The following PRKG1 variants were observed in gnomAD, a reference collection of about 807,000 sequenced individuals.
PRKG1 encodes protein kinase cGMP-dependent 1.
Under a neutral mutation model 88.1 loss-of-function variants are expected in PRKG1, and 35 were observed. The ratio of observed to expected loss-of-function variants is 0.40; its 90% CI spans 0.30 to 0.53. The LOEUF (loss-of-function observed/expected upper bound fraction) is 0.53. Ranked by LOEUF, PRKG1 falls within the 20% of genes least tolerant of loss-of-function variation. The pLI is 0.59. For synonymous variants in PRKG1, 303 were observed against 292.5 expected (o/e 1.04, Z -0.37); for missense variants, 540 against 839.8 (o/e 0.64, Z 4.41).
At chr10:51,364,328 C>T (rs1356926415) in intron 2 of PRKG1, among the ~76,000 whole-genome samples, 2 of 151,942 alleles carry the variant, frequency 1.3e-5, no homozygotes, top group Non-Finnish European at 2.9e-5. Context: ...TTGATCACTA[C>T]TTGTCTTTTA....
At chr10:51,714,549 G>A (rs1351066931) in intron 3 of PRKG1, among the ~76,000 whole-genome samples, 1 of 152,206 alleles carries the variant, frequency 6.6e-6, no homozygotes, top group Admixed American at 6.5e-5. Flanking sequence ...AGAAGGAAGA[G>A]ATGTAGAAGG....
At chr10:51,628,414 C>T (rs997165859) in intron 3 of PRKG1, among the ~76,000 whole-genome samples, 15 of 151,744 alleles carry the variant, frequency 9.9e-5, no homozygotes, top group African/African-American at 2.9e-4. Context: ...CCACCCGCCT[C>T]GCCCTCCCAA....
At chr10:51,250,109 G>T (rs373946428) in intron 2 of PRKG1, among the ~76,000 whole-genome samples, 3 of 151,706 alleles carry the variant, frequency 2.0e-5, no homozygotes, top group African/African-American at 7.3e-5. Context: ...TCATTGCAGG[G>T]TTGCTGTGGT....
intron 2 of PRKG1, among the ~76,000 whole-genome samples, chr10:51,211,462 A>C (rs368124019): frequency 0.02 from 3,033 of 152,182 alleles, 44 homozygotes; most frequent in Middle Eastern, 0.051. Flanking sequence ...GAAGTTCTGG[A>C]CAGGGCAGTC....
intron 2 of PRKG1, among the ~76,000 whole-genome samples, chr10:51,168,521 A>C (rs1038456515): frequency 6.6e-6 from 1 of 152,164 alleles, no homozygotes; most frequent in African/African-American, 2.4e-5. Context: ...CCATAGAAGT[A>C]ACCCACGTAA....
chr10:52,029,922 C>G lies in PRKG1; in HGVS notation c.763-24562C>G, dbSNP rs555936993. 4.6e-5 allele frequency among the ~76,000 whole-genome samples: 7 copies of G among 152,208 alleles called. No homozygotes were observed. The South Asian group carries it at 1.5e-3, about 32-fold the overall frequency. On this transcript the variant is annotated intron_variant, in intron 5 of 17. Coordinates refer to ENST00000373980, the MANE Select transcript of PRKG1 (RefSeq NM_006258.4). ...CTTAAACCTGACCTTCCTGATATAT[C>G]ATCTCATCATCTACTGAACCCCATC... is the stretch of plus-strand genomic sequence containing the variant.
chr10:51,114,739 A>T (rs1456045054), intron 1 of PRKG1, among the ~76,000 whole-genome samples: 1 of 152,074 alleles, frequency 6.6e-6, no homozygotes, highest in Non-Finnish European at 1.5e-5. Flanking sequence ...TACTCTTTTC[A>T]GCTGGACAGT....
chr10:51,157,168 G>A (rs113125624), intron 2 of PRKG1, among the ~76,000 whole-genome samples: 5 of 151,950 alleles, frequency 3.3e-5, no homozygotes, highest in Middle Eastern at 3.4e-3. Flanking sequence ...TGTTAATTAC[G>A]ATGACTGGGG....
intron 1 of PRKG1, among the ~76,000 whole-genome samples, chr10:51,093,540 A>G (rs1469488909): frequency 2.6e-5 from 4 of 151,552 alleles, no homozygotes; most frequent in Non-Finnish European, 4.4e-5. Flanking sequence ...GCTTTGTTTT[A>G]TGGTATACTA....
chr10:51,073,824 C>T (rs1162866863), upstream of PRKG1, among the ~76,000 whole-genome samples: 2 of 152,118 alleles, frequency 1.3e-5, no homozygotes, highest in African/African-American at 4.8e-5. Context: ...CAAGTTTCTT[C>T]GCAAGCGTTA....
intron 2 of PRKG1, among the ~76,000 whole-genome samples, chr10:51,407,436 C>T (rs1837952704): frequency 6.6e-6 from 1 of 152,090 alleles, no homozygotes. Flanking sequence ...TATTATGTCA[C>T]ATAAAGGAGA....
At chr10:51,037,403 G>T (rs969231688) in intron 1 of PRKG1, among the ~76,000 whole-genome samples, 1 of 152,196 alleles carries the variant, frequency 6.6e-6, no homozygotes, top group Non-Finnish European at 1.5e-5. Flanking sequence ...GGTCGAGGCT[G>T]CAGTGAGCTG....
intron 2 of PRKG1, among the ~76,000 whole-genome samples, chr10:51,411,325 T>A (rs1838082038): frequency 6.6e-6 from 1 of 152,212 alleles, no homozygotes; most frequent in Non-Finnish European, 1.5e-5. Flanking sequence ...GAATGCTAGA[T>A]AATTAAATTT....
intron 2 of PRKG1, among the ~76,000 whole-genome samples, chr10:51,292,037 TAGGGGGAGCCTTAAAAAGAC>T (rs1840596834): frequency 6.6e-6 from 1 of 152,300 alleles, no homozygotes; most frequent in African/African-American, 2.4e-5. Context: ...TCTCTTTTTT[TAGGGGGAGCCTTAAAAAGAC>T]AGAGCTGCAA....
At chr10:51,655,817 G>A (rs934398329) in intron 3 of PRKG1, among the ~76,000 whole-genome samples, 2 of 152,116 alleles carry the variant, frequency 1.3e-5, no homozygotes, top group African/African-American at 4.8e-5. Flanking sequence ...AATTAGCATA[G>A]AGATGTGATG....
In PRKG1 at chr10:51,522,777, T is replaced by C. The variant is rs565375219; in HGVS notation, c.592+54941T>C. Among the ~76,000 whole-genome samples the C allele has an allele frequency of 3.3e-5, 5 of 152,268 alleles. No homozygotes were observed. The East Asian group carries it at 7.7e-4, about 24-fold the overall frequency. On this transcript the variant is annotated intron_variant, in intron 3 of 17. Coordinates refer to ENST00000373980, the MANE Select transcript of PRKG1 (RefSeq NM_006258.4). ...TCTACCTGCTTTTTTTTAAAGAATA[T>C]TATGTCAGTGTCAATCATAGGCAAT...
At chr10:52,161,527 A>G (rs1158398311) in intron 8 of PRKG1, among the ~76,000 whole-genome samples, 1 of 152,100 alleles carries the variant, frequency 6.6e-6, no homozygotes, top group Non-Finnish European at 1.5e-5. Flanking sequence ...TAATTGGTAG[A>G]TCTTGCTGTC....
At chr10:51,142,079 T>G (rs910981757) in intron 1 of PRKG1, among the ~76,000 whole-genome samples, 8 of 152,110 alleles carry the variant, frequency 5.3e-5, no homozygotes, top group African/African-American at 1.9e-4. Flanking sequence ...ATGTACATAT[T>G]GAAGTCATCT....
intron 9 of PRKG1, among the ~76,000 whole-genome samples, chr10:52,217,053 G>A (rs2132815488): frequency 6.6e-6 from 1 of 152,200 alleles, no homozygotes; most frequent in South Asian, 2.1e-4. Flanking sequence ...AAAAACAGCT[G>A]TTGTGTGGGA....
Sources: gnomAD v4.1 joint callset for allele counts (sites outside exome capture counted in the v4.1 genomes callset) on GRCh38, gnomAD v4.1.1 for gene constraint, MANE v1.5 for transcripts, NCBI Gene and HGNC (gene_info 2026-07-23, HGNC 2026-07-21) for gene names.